The following PKP3 variants were observed in gnomAD, a reference collection of about 807,000 sequenced individuals.
The protein encoded by PKP3 is plakophilin 3, also known as plakophilin-3.
A neutral mutation model predicts 76.5 loss-of-function variants in PKP3; 66 were observed. The observed-to-expected ratio is 0.86, with a 90% CI of 0.71 to 1.06. PKP3 has a LOEUF of 1.06. Ranked by LOEUF, PKP3 falls within the 50% of genes least tolerant of loss-of-function variation. The probability of loss-of-function intolerance (pLI) is 0.00; values close to 1 mark genes in which losing one functional copy is unlikely to be tolerated. For synonymous variants in PKP3, 638 were observed against 516.5 expected (o/e 1.24, Z -3.19); for missense variants, 1,338 against 1,141.0 (o/e 1.17, Z -2.49).
At chr11:393,995 G>A (rs1002111841), upstream of PKP3, 7 of 370,672 alleles carry the variant, frequency 1.9e-5, no homozygotes, top group Admixed American at 9.7e-5. Context: ...CCAGGTCCCC[G>A]TGGCCCTGTT....
upstream of PKP3, chr11:393,467 T>G (rs1847002160): frequency 2.0e-5 from 3 of 151,810 alleles, no homozygotes; most frequent in South Asian, 6.2e-4. Context: ...GCAGGAGCAG[T>G]GGTGCCAGGG....
At chr11:393,203 G>C (rs987784901), upstream of PKP3, among the ~76,000 whole-genome samples, 7 of 151,498 alleles carry the variant, frequency 4.6e-5, no homozygotes, top group Admixed American at 3.9e-4. Flanking sequence ...CACAAGCCCT[G>C]CTTGGTCCAG....
In PKP3 at chr11:397,000, C is replaced by T. The variant is rs765970701; in HGVS notation, c.499C>T (p.Arg167Cys). Residue 167 changes from arginine (R) to cysteine (C), a missense_variant, in exon 3 of 13, where the codon CGC becomes TGC. Coordinates refer to ENST00000331563, the MANE Select transcript of PKP3 (RefSeq NM_007183.4). The part of the protein sequence containing the change: ...MPTRPVSFHE[R>C]GGVGSRADYD... ...CACCAGGCCCGTGTCCTTCCATGAG[C>T]GCGGTGGGGTTGGGAGCCGGGCCGA... 28 of 1,599,710 alleles carry T rather than the reference C, an allele frequency of 1.8e-5. No homozygotes were observed. The highest frequency in any genetic ancestry group is 4.5e-5 in the East Asian group (2 of 44,874).
intron 4 of PKP3, among the ~76,000 whole-genome samples, chr11:398,027 G>A (rs527410681): frequency 2.9e-4 from 19 of 64,668 alleles, no homozygotes; most frequent in African/African-American, 8.6e-4. Context: ...ACACACCTGC[G>A]TCACCTCCGT....
At position 403,982 on chromosome 11, in the gene PKP3, G is replaced by A. The variant is rs1304322677; in HGVS notation, c.2117G>A (p.Gly706Asp). The change falls in exon 11 of 13, where the codon GGC becomes GAC. Residue 706 changes from glycine (G) to aspartate (D), a missense_variant. Transcript: ENST00000331563. ...VVSHLIEKLPGSVGEKSPPAE... is the reference protein window; with the variant it reads ...VVSHLIEKLPDSVGEKSPPAE... ...AGCCACCTGATCGAGAAGCTGCCGG[G>A]CAGCGTGGGTGAGAAGTCGCCCCCA... 3.1e-6 allele frequency: 5 copies of A among 1,608,664 alleles called. No individual in the cohort carries two copies. In the East Asian group the frequency reaches 6.7e-5, roughly 22 times the overall value.
chr11:396,709 AG>A, intron 2 of PKP3, 22 bp downstream of exon 2: 2 of 1,600,832 alleles, frequency 1.2e-6, no homozygotes, highest in Non-Finnish European at 8.5e-7. Flanking sequence ...GCCCAGCCCG[AG>A]GGGGACGATC....
chr11:400,077 C>T lies in PKP3; in HGVS notation c.1384C>T (p.Pro462Ser), dbSNP rs371435693. The T allele has an allele frequency of 3.5e-5, 56 of 1,591,286 alleles. No homozygotes were observed. In the Middle Eastern group the frequency reaches 9.1e-4, roughly 26 times the overall value. The change falls in exon 6 of 13, where the codon CCC becomes TCC. Residue 462 changes from proline to serine, a missense_variant. Physicochemically the swap from Pro to Ser is moderately conservative, Grantham distance 74. Transcript: ENST00000331563. Reference protein sequence around the residue: ...VLSPLSGAGGPPLIQQNASEA... With the variant: ...VLSPLSGAGGSPLIQQNASEA... ...GAGCCCCCTGTCGGGGGCTGGGGGT[C>T]CCCCCCTCATCCAGCAGAACGCCTC...
At chr11:394,130 C>T, upstream of PKP3, 4 of 1,169,938 alleles carry the variant, frequency 3.4e-6, no homozygotes, top group Non-Finnish European at 4.5e-6. Context: ...CCAGGTGTCC[C>T]CGCCCCCAGC....
chr11:393,399 G>GC (rs149775160), upstream of PKP3: 1,213 of 151,996 alleles, frequency 8.0e-3, 18 homozygotes, highest in African/African-American at 0.028. Flanking sequence ...GGGCGGCCCC[G>GC]CCCCCCTGCA....
chr11:403,190 G>T lies in PKP3; in HGVS notation c.1850G>T (p.Arg617Leu). ...GGGCTGTACAACCGGCTGCTGCAGC[G>T]CTGCGAGCTCAACCGGCACACGACG... ...IVGLYNRLLQ[R>L]CELNRHTTEA... is the part of the protein sequence containing the mutation. The change falls in exon 9 of 13, where the codon CGC (arginine) becomes CTC (leucine). Residue 617 changes from arginine to leucine, a missense_variant. Arg to Leu is a moderately radical substitution (Grantham distance 102, BLOSUM62 -2). Coordinates refer to ENST00000331563, the MANE Select transcript of PKP3 (RefSeq NM_007183.4). 1 of 1,589,754 alleles carries T rather than the reference G, an allele frequency of 6.3e-7. No individual in the cohort carries two copies. The highest frequency in any genetic ancestry group is 8.5e-7 in the Non-Finnish European group (1 of 1,170,136).
At chr11:396,334 C>T (rs1301714363) in intron 1 of PKP3, 15 of 422,872 alleles carry the variant, frequency 3.5e-5, no homozygotes, top group Admixed American at 1.7e-4. Flanking sequence ...TCCTGGCGAC[C>T]AGGAGGTCAG....
At chr11:400,919 A>C (rs1281331304) in intron 8 of PKP3, among the ~76,000 whole-genome samples, 1 of 2,824 alleles carries the variant, frequency 3.5e-4, no homozygotes, top group Non-Finnish European at 6.0e-4. Context: ...CTCACCCCGG[A>C]CCCCGCTCAC....
At chr11:403,295 C>T in intron 9 of PKP3, 32 bp downstream of exon 9, 4 of 1,514,316 alleles carry the variant, frequency 2.6e-6, no homozygotes, top group Non-Finnish European at 2.7e-6. Flanking sequence ...CGAGGGGGTC[C>T]CAGGGGTTCA....
At chr11:392,600 AGG>A, upstream of PKP3, 1 of 1,246,030 alleles carries the variant, frequency 8.0e-7, no homozygotes, top group Non-Finnish European at 1.1e-6. Context: ...CCCGCCGCAG[AGG>A]CTGCCCCGCA....
Position 403,744 on chromosome 11 carries a change from CGGAACGCTA to C in PKP3, c.2056_2064del (p.Ala686_Asn688del). 6.8e-6 allele frequency: 11 copies of C among 1,608,684 alleles called. No homozygotes were observed. Among genetic ancestry groups the C allele is most frequent in the Non-Finnish European group, 9.3e-6 (11 of 1,179,868 alleles). On this transcript the variant is annotated inframe_deletion, in exon 10 of 13. Transcript: ENST00000331563. ...GACTGGCCTCATCCGAAACCTGTCT[CGGAACGCTA>C]GGAACAAGGACGAGATGTGTGAGTC...
rs971376238 is a variant in PKP3, at chr11:400,656, C to T, written c.1688C>T (p.Pro563Leu). 11 of 1,358,062 alleles carry T rather than the reference C, an allele frequency of 8.1e-6. No homozygotes were observed. The highest frequency in any genetic ancestry group is 4.6e-5 in the African/African-American group (3 of 64,654). 84.1% of individuals were successfully genotyped at this position (1,358,062 alleles called of 1,614,324 possible). Residue 563 changes from proline (P) to leucine (L), a missense_variant, in exon 8 of 13, where the codon CCG becomes CTG. Coordinates refer to ENST00000331563, the MANE Select transcript of PKP3 (RefSeq NM_007183.4). ...CGCAGGGACCTGGCGGGGGCGCCGC[C>T]GGGAGAGGTCGTGGGCTGCTTCACG... Reference protein sequence around the residue: ...RGRRDLAGAPPGEVVGCFTPQ... With the variant: ...RGRRDLAGAPLGEVVGCFTPQ...
Position 404,596 on chromosome 11 carries a change from C to T in PKP3, c.*27C>T, listed in dbSNP as rs1847225069. ...TGAAGCCTTCTGGAGGAGAAGGTGA[C>T]GTGGCCCAGCGTCCAAGGGACAGAC... On this transcript the variant is annotated 3_prime_UTR_variant, in exon 13 of 13. Transcript: ENST00000331563. This position sits in a 1 kb window ranked among gnomAD's most constrained non-coding sequence, Gnocchi z 4.2. 9 of 1,607,910 alleles carry T rather than the reference C, an allele frequency of 5.6e-6. No homozygotes were observed. Among genetic ancestry groups the T allele is most frequent in the East Asian group, 4.5e-5 (2 of 44,856 alleles).
rs558471891 is a variant in PKP3, at chr11:400,719, T to G, written c.1737+14T>G. On this transcript the variant is annotated intron_variant, in intron 8 of 12. Coordinates refer to ENST00000331563, the MANE Select transcript of PKP3 (RefSeq NM_007183.4). Reference sequence around the variant, plus strand: ...CGGCTGCGCGAGGTGGGCACCAGCCTGAGCGGGGCGTGGGGTGGGTGCTGC... The same window carrying G: ...CGGCTGCGCGAGGTGGGCACCAGCCGGAGCGGGGCGTGGGGTGGGTGCTGC... 0.034 allele frequency: 42,055 copies of G among 1,226,850 alleles called. 862 individuals carry two copies. The highest frequency in any genetic ancestry group is 0.04 in the Non-Finnish European group (38,819 of 978,758). 76.0% of individuals were successfully genotyped at this position (1,226,850 alleles called of 1,614,324 possible).
At chr11:399,924 G>C in intron 5 of PKP3, 43 bp from the exon 6 acceptor site, 1 of 1,517,714 alleles carries the variant, frequency 6.6e-7, no homozygotes, top group South Asian at 1.2e-5. Context: ...ACGCGGAGGG[G>C]GTTGGAGGGC....
Sources: allele counts gnomAD v4.1 joint callset (sites outside exome capture counted in the v4.1 genomes callset), GRCh38; gene constraint gnomAD v4.1.1; non-coding constraint Gnocchi (gnomAD v3.1); transcripts MANE v1.5; gene names NCBI Gene and HGNC (gene_info 2026-07-23, HGNC 2026-07-21).